The following RAG1 variants were observed in gnomAD, a reference collection of about 807,000 sequenced individuals.
The protein encoded by RAG1 is recombination activating 1.
Under a neutral mutation model 62.7 loss-of-function variants are expected in RAG1, and 35 were observed. The ratio of observed to expected loss-of-function variants is 0.56; its 90% CI spans 0.43 to 0.74. The LOEUF (loss-of-function observed/expected upper bound fraction) is 0.74, where lower values mean the gene tolerates loss of function less well. Ranked by LOEUF, RAG1 falls within the 30% of genes least tolerant of loss-of-function variation. The probability of loss-of-function intolerance (pLI) is 0.00; values close to 1 mark genes in which losing one functional copy is unlikely to be tolerated. For missense variants in RAG1, 1,169 were observed against 1,278.6 expected, an observed-to-expected ratio of 0.91 and a Z score of 1.31; for synonymous variants, 461 against 470.3, an observed-to-expected ratio of 0.98 and a Z score of 0.26.
chr11:36,538,801 T>C (rs1017645536), downstream of RAG1, among the ~76,000 whole-genome samples: 4 of 152,186 alleles, frequency 2.6e-5, no homozygotes, highest in Admixed American at 1.3e-4. Context: ...CAATTCAGCT[T>C]CATGCTCCAA....
chr11:36,539,588 G>C (rs150462745), downstream of RAG1, among the ~76,000 whole-genome samples: 1 of 152,206 alleles, frequency 6.6e-6, no homozygotes, highest in African/African-American at 2.4e-5. Flanking sequence ...AGGTTCAAGC[G>C]ATTCTCCTGC....
rs1850824370 is a variant in RAG1, at chr11:36,575,210, C to CACAGCTCTCAGAATGTGAA, written c.1908_1926dup (p.Val643GlnfsTer9). 1.2e-6 allele frequency: 2 copies of CACAGCTCTCAGAATGTGAA among 1,614,020 alleles called. No individual in the cohort carries two copies. The highest frequency in any genetic ancestry group is 1.7e-6 in the Non-Finnish European group (2 of 1,180,024). On this transcript the variant is annotated frameshift_variant, in exon 2 of 2. Coordinates refer to ENST00000299440, the MANE Select transcript of RAG1 (RefSeq NM_000448.3). LOFTEE classifies it high-confidence loss of function. This position sits in a 1 kb window ranked among gnomAD's most constrained non-coding sequence, Gnocchi z 4.1. ...CACAATCATGAAAATTACTATTGCCCACAGCTCTCAGAATGTGAAAGTATT... is the reference window on the plus strand; with the variant it reads ...CACAATCATGAAAATTACTATTGCCCACAGCTCTCAGAATGTGAAACAGCTCTCAGAATGTGAAAGTATT...
intron 2 of RAG1, among the ~76,000 whole-genome samples, chr11:36,532,421 C>A (rs1177956614): frequency 6.6e-6 from 1 of 151,946 alleles, no homozygotes; most frequent in African/African-American, 2.4e-5. Context: ...ATACTCTTTC[C>A]ATCTAGCAAT....
chr11:36,567,756 C>G (rs991179905), upstream of RAG1, among the ~76,000 whole-genome samples: 1 of 152,202 alleles, frequency 6.6e-6, no homozygotes, highest in Non-Finnish European at 1.5e-5. Flanking sequence ...GGGGCTTATA[C>G]TGACTGACAA....
intron 2 of RAG1, among the ~76,000 whole-genome samples, chr11:36,528,534 G>A (rs181309809): frequency 6.6e-6 from 1 of 152,106 alleles, no homozygotes; most frequent in African/African-American, 2.4e-5. Context: ...GGCCACTAGA[G>A]AAAGCAGGAA....
intron 3 of RAG1, among the ~76,000 whole-genome samples, chr11:36,545,652 C>T (rs7942453): frequency 0.018 from 2,684 of 152,246 alleles, 76 homozygotes; most frequent in African/African-American, 0.062. Flanking sequence ...CAAGTTGGAT[C>T]ACTTTGTACT....
chr11:36,557,465 C>G (rs558784575), intron 3 of RAG1, among the ~76,000 whole-genome samples: 2 of 146,898 alleles, frequency 1.4e-5, no homozygotes, highest in South Asian at 2.1e-4. Flanking sequence ...CGCCCTGCTT[C>G]GGCTCGCGCA....
Position 36,575,909 on chromosome 11 carries a change from G to A in RAG1, c.2605G>A (p.Val869Ile), listed in dbSNP as rs201313833. 5 of 1,614,074 alleles carry A rather than the reference G, an allele frequency of 3.1e-6. No homozygotes were observed. Among genetic ancestry groups the A allele is most frequent in the East Asian group, 4.5e-5 (2 of 44,894 alleles). ...CATGACCAAAGAGACTGTGGATGCA[G>A]TTTGTGAGTTAATTCCTTCCGAGGA... is the stretch of plus-strand genomic sequence containing the variant. ...KLMTKETVDA[V>I]CELIPSEERH... Residue 869 changes from valine to isoleucine, a missense_variant, in exon 2 of 2, where the codon GTT (valine) becomes ATT (isoleucine). Coordinates refer to ENST00000299440, the MANE Select transcript of RAG1 (RefSeq NM_000448.3). This position sits in a 1 kb window ranked among gnomAD's most constrained non-coding sequence, Gnocchi z 4.1.
intron 2 of RAG1, among the ~76,000 whole-genome samples, chr11:36,532,957 A>G (rs932876749): frequency 1.1e-4 from 17 of 152,226 alleles, no homozygotes; most frequent in African/African-American, 4.1e-4. Flanking sequence ...AAACTGCTGT[A>G]TATATTCTGT....
At chr11:36,525,047 T>C (rs1860139197) in intron 2 of RAG1, among the ~76,000 whole-genome samples, 1 of 152,058 alleles carries the variant, frequency 6.6e-6, no homozygotes, top group Non-Finnish European at 1.5e-5. Context: ...CCTTCCTTGT[T>C]CTTTTTTCCC....
At chr11:36,567,372 T>C (rs1850676742), upstream of RAG1, 1 of 152,184 alleles carries the variant, frequency 6.6e-6, no homozygotes, top group African/African-American at 2.4e-5. Context: ...GGTGATGAGA[T>C]TGAAGTTCCT....
intron 3 of RAG1, among the ~76,000 whole-genome samples, chr11:36,549,367 C>A (rs1354561352): frequency 6.6e-6 from 1 of 152,158 alleles, no homozygotes; most frequent in Non-Finnish European, 1.5e-5. Flanking sequence ...TGTTTGCAAT[C>A]TATCTATCTG....
intron 1 of RAG1, among the ~76,000 whole-genome samples, chr11:36,514,613 C>T (rs1351795146): frequency 6.6e-6 from 1 of 152,180 alleles, no homozygotes; most frequent in African/African-American, 2.4e-5. Flanking sequence ...ACTAGACAGT[C>T]CCATCTGGGG....
At chr11:36,534,360 A>G (rs962436840) in intron 2 of RAG1, among the ~76,000 whole-genome samples, 1 of 152,230 alleles carries the variant, frequency 6.6e-6, no homozygotes, top group Non-Finnish European at 1.5e-5. Context: ...GCTTATTCAT[A>G]CAATAATAAA....
intron 2 of RAG1, among the ~76,000 whole-genome samples, chr11:36,525,737 AT>A (rs1206316186): frequency 6.6e-6 from 1 of 152,122 alleles, no homozygotes; most frequent in Non-Finnish European, 1.5e-5. Flanking sequence ...TACAATTTAT[AT>A]TTTTAGTGGT....
At chr11:36,560,506 C>T (rs990520404) in intron 3 of RAG1, among the ~76,000 whole-genome samples, 1 of 152,080 alleles carries the variant, frequency 6.6e-6, no homozygotes, top group South Asian at 2.1e-4. Context: ...TGTGGATATG[C>T]CAGGACACTG....
At chr11:36,543,642 C>T (rs1480947490) in intron 3 of RAG1, among the ~76,000 whole-genome samples, 3 of 152,204 alleles carry the variant, frequency 2.0e-5, no homozygotes, top group Non-Finnish European at 1.5e-5. Context: ...CTCCTTCTAA[C>T]CTCCTTCTCT....
chr11:36,576,496 G>A lies in RAG1; in HGVS notation c.*60G>A. On this transcript the variant is annotated 3_prime_UTR_variant, in exon 2 of 2. Transcript: ENST00000299440. ...TGAGTTTCCCTCTGGGTTGCATTGA[G>A]GGCTTCTCCTAGCACCCTTTACTGC... 1 of 1,592,328 alleles carries A rather than the reference G, an allele frequency of 6.3e-7. No individual in the cohort carries two copies. The highest frequency in any genetic ancestry group is 8.6e-7 in the Non-Finnish European group (1 of 1,161,456).
chr11:36,536,010 C>A (rs1860321060), exon 3 of RAG1: 1 of 152,158 alleles, frequency 6.6e-6, no homozygotes, highest in African/African-American at 2.4e-5. Flanking sequence ...ATCAAGTTCT[C>A]TTTCTTTCCT....
Sources: gnomAD v4.1 joint callset for allele counts (sites outside exome capture counted in the v4.1 genomes callset) on GRCh38, gnomAD v4.1.1 for gene constraint, Gnocchi (gnomAD v3.1) non-coding constraint, MANE v1.5 for transcripts, NCBI Gene and HGNC (gene_info 2026-07-23, HGNC 2026-07-21) for gene names.